Variants in RPAP3 observed in about 807,000 individuals in gnomAD.
RPAP3 encodes the protein RNA polymerase II associated protein 3, also known as RNA polymerase II-associated protein 3.
In RPAP3, 58 loss-of-function variants were observed where a neutral mutation model predicts 88.8. The ratio of observed to expected loss-of-function variants is 0.65; its 90% CI spans 0.53 to 0.81. RPAP3 has a LOEUF of 0.81. Among genes scored for constraint, RPAP3 ranks in the 40% least tolerant of loss-of-function variants. RPAP3 has a pLI of 0.00. For synonymous variants in RPAP3, 255 were observed against 259.9 expected (o/e 0.98, Z 0.18); for missense variants, 751 against 764.3 (o/e 0.98, Z 0.20).
At chr12:47,701,789 T>G (rs1364391647) in intron 2 of RPAP3, among the ~76,000 whole-genome samples, 185 bp from the exon 3 acceptor site, 1 of 152,218 alleles carries the variant, frequency 6.6e-6, no homozygotes, top group Non-Finnish European at 1.5e-5. Context: ...ATTCATACTT[T>G]GATGAGTGTT....
At chr12:47,680,159 T>G (rs1939195856) in intron 10 of RPAP3, among the ~76,000 whole-genome samples, 1 of 152,204 alleles carries the variant, frequency 6.6e-6, no homozygotes, top group Non-Finnish European at 1.5e-5. Flanking sequence ...TTCTGATATA[T>G]GCTCCAACAT....
intron 12 of RPAP3, among the ~76,000 whole-genome samples, chr12:47,678,599 G>A (rs1939162060): frequency 6.6e-6 from 1 of 152,148 alleles, no homozygotes; most frequent in South Asian, 2.1e-4. Context: ...GATATGAACA[G>A]ACACTTCTCA....
chr12:47,682,185 A>G (rs1939234743), intron 9 of RPAP3, among the ~76,000 whole-genome samples: 1 of 152,174 alleles, frequency 6.6e-6, no homozygotes, highest in African/African-American at 2.4e-5. Flanking sequence ...TTTTCTAATA[A>G]AACTTTATTA....
In RPAP3 at chr12:47,687,932, G is replaced by C. The variant is rs757218659; in HGVS notation, c.808C>G (p.Arg270Gly). 9.3e-6 allele frequency: 15 copies of C among 1,613,390 alleles called. No individual in the cohort carries two copies. Among genetic ancestry groups the C allele is most frequent in the Admixed American group, 1.7e-5 (1 of 59,966 alleles). The change falls in exon 8 of 17, where the codon CGA (arginine) becomes GGA (glycine). Residue 270 changes from arginine to glycine, a missense_variant. By Grantham distance (125) the Arg-to-Gly change is moderately radical. Transcript: ENST00000005386. ...TTCTGTTGTGCTTCAATTTGCTTTCGCTCTCCTTCTGTTGACTTAATCACT... is the reference window on the plus strand; with the variant it reads ...TTCTGTTGTGCTTCAATTTGCTTTCCCTCTCCTTCTGTTGACTTAATCACT... The part of the protein sequence containing the change: ...DIVIKSTEGE[R>G]KQIEAQQNKQ...
At position 47,681,815 on chromosome 12, in the gene RPAP3, T is replaced by C. The variant is rs977777702; in HGVS notation, c.995A>G (p.Tyr332Cys). Residue 332 changes from tyrosine to cysteine, a missense_variant and splice_region_variant, in exon 10 of 17, where the codon TAT becomes TGT. Tyr to Cys is a radical substitution (Grantham distance 194). Transcript: ENST00000005386. ...RAMAYLKIQK[Y>C]EEAEKDCTQA... ...TGTGCAGTCTTTTTCAGCTTCTTCA[T>C]ATCTATTGAACATGATAAAATTACT... is the stretch of plus-strand genomic sequence containing the variant. 4 of 1,600,436 alleles carry C rather than the reference T, an allele frequency of 2.5e-6. No individual in the cohort carries two copies. Among genetic ancestry groups the C allele is most frequent in the Non-Finnish European group, 3.4e-6 (4 of 1,175,520 alleles).
chr12:47,690,387 T>C (rs535533124), intron 6 of RPAP3, 131 bp downstream of exon 6: 154 of 665,976 alleles, frequency 2.3e-4, no homozygotes, highest in Middle Eastern at 1.8e-3. Context: ...ATCATTTCAG[T>C]TGCAAAAATG....
intron 16 of RPAP3, chr12:47,664,573 A>C (rs982919160): frequency 6.6e-6 from 1 of 152,214 alleles, no homozygotes; most frequent in Non-Finnish European, 1.5e-5. Context: ...AACAACAGCT[A>C]AGTATTTACT....
chr12:47,680,555 G>C (rs1218849227), intron 10 of RPAP3, among the ~76,000 whole-genome samples: 2 of 152,046 alleles, frequency 1.3e-5, no homozygotes, highest in South Asian at 2.1e-4. Context: ...GGAAAGAACA[G>C]AGGCTGAAAA....
chr12:47,701,364 G>T (rs1939649797), intron 3 of RPAP3, 100 bp downstream of exon 3: 2 of 770,628 alleles, frequency 2.6e-6, no homozygotes, highest in South Asian at 2.6e-5. Context: ...AAAAACACAG[G>T]CCATAACTCT....
chr12:47,704,760 G>A (rs1939743865), intron 1 of RPAP3, among the ~76,000 whole-genome samples: 1 of 151,958 alleles, frequency 6.6e-6, no homozygotes, highest in African/African-American at 2.4e-5. Flanking sequence ...CCGGCACTTT[G>A]GGAGGCAGAG....
At chr12:47,665,091 ATTTT>A (rs75507042) in intron 16 of RPAP3, among the ~76,000 whole-genome samples, 1 of 140,140 alleles carries the variant, frequency 7.1e-6, no homozygotes, top group Non-Finnish European at 1.5e-5. Flanking sequence ...CAGTTTGGTA[ATTTT>A]TTTTTTTTTT....
In RPAP3 at chr12:47,686,655, C is replaced by T; in HGVS notation, c.992+125G>A. On this transcript the variant is annotated intron_variant, in intron 9 of 16. Transcript: ENST00000005386. ...TAAATTTTAACTTACTTAAATTTAC[C>T]ATAAATTGGCATGTGAGCTAACCTA... 2.1e-5 allele frequency: 13 copies of T among 624,558 alleles called. No individual in the cohort carries two copies. The South Asian group carries it at 2.3e-4, about 11-fold the overall frequency. 38.7% of individuals were successfully genotyped at this position (624,558 alleles called of 1,614,324 possible). A position where few individuals can be genotyped will look rare whatever the true frequency, so the allele number is the denominator to read the frequency against.
chr12:47,681,841 G>T, intron 9 of RPAP3, 24 bp from the exon 10 acceptor site: 2 of 1,534,656 alleles, frequency 1.3e-6, no homozygotes, highest in South Asian at 1.3e-5. Flanking sequence ...TAAAATTACT[G>T]ACTGGAAAAA....
chr12:47,693,532 T>G (rs1368685698), intron 5 of RPAP3, among the ~76,000 whole-genome samples: 1 of 152,252 alleles, frequency 6.6e-6, no homozygotes, highest in Non-Finnish European at 1.5e-5. Flanking sequence ...AACTTTCGTT[T>G]TGTAAAAACA....
intron 6 of RPAP3, among the ~76,000 whole-genome samples, 156 bp from the exon 7 acceptor site, chr12:47,689,351 C>CT (rs1476165185): frequency 6.6e-6 from 1 of 152,096 alleles, no homozygotes; most frequent in Admixed American, 6.5e-5. Flanking sequence ...ACTGAACTTT[C>CT]TTTTTTTGAG....
At chr12:47,683,632 C>A (rs1194661217) in intron 9 of RPAP3, among the ~76,000 whole-genome samples, 1 of 152,206 alleles carries the variant, frequency 6.6e-6, no homozygotes, top group Non-Finnish European at 1.5e-5. Flanking sequence ...AATTATTACA[C>A]GTCTCCTGTG....
intron 5 of RPAP3, among the ~76,000 whole-genome samples, chr12:47,692,546 G>A (rs1939448688): frequency 6.6e-6 from 1 of 152,192 alleles, no homozygotes; most frequent in Non-Finnish European, 1.5e-5. Flanking sequence ...AAGAGCATTA[G>A]AGCCTTGCAC....
intron 12 of RPAP3, among the ~76,000 whole-genome samples, chr12:47,670,865 A>G (rs1444781725): frequency 6.6e-6 from 1 of 152,208 alleles, no homozygotes. Flanking sequence ...CAAAGAAATT[A>G]CCAAACCAAC....
At chr12:47,664,128 G>A (rs1405622281) in intron 16 of RPAP3, among the ~76,000 whole-genome samples, 4 of 152,134 alleles carry the variant, frequency 2.6e-5, no homozygotes, top group African/African-American at 9.7e-5. Flanking sequence ...GGTGGTTCAC[G>A]CCTGTAATCC....
Sources: allele counts gnomAD v4.1 joint callset (sites outside exome capture counted in the v4.1 genomes callset), GRCh38; gene constraint gnomAD v4.1.1; transcripts MANE v1.5; gene names NCBI Gene and HGNC (gene_info 2026-07-23, HGNC 2026-07-21).